The following MACF1 variants were observed in gnomAD, a reference collection of about 807,000 sequenced individuals.
MACF1 encodes the protein microtubule-actin cross-linking factor 1.
A neutral mutation model predicts 854.8 loss-of-function variants in MACF1; 193 were observed. The ratio of observed to expected loss-of-function variants is 0.23; its 90% CI spans 0.20 to 0.25. The LOEUF (loss-of-function observed/expected upper bound fraction) is 0.25, where lower values mean the gene tolerates loss of function less well. Among genes scored for constraint, MACF1 ranks in the 10% least tolerant of loss-of-function variants. The pLI is 1.00. For missense variants in MACF1, 7,722 were observed against 8,929.1 expected (o/e 0.86, Z 5.45); for synonymous variants, 3,185 against 3,226.7 (o/e 0.99, Z 0.44).
rs1643370130 is a variant in MACF1 at position 39,417,712 on chromosome 1, A to ATTTTTTTTT, written c.15817-4662_15817-4661insTTTTTTTTT. Reference sequence around the variant, plus strand: ...CAGGAATGTGCCACCACACCCAGTTAATTTTTTTTTTTTTTTTTTTTTTTT... The same window carrying ATTTTTTTTT: ...CAGGAATGTGCCACCACACCCAGTTATTTTTTTTTATTTTTTTTTTTTTTTTTTTTTTTT... On this transcript the variant is annotated intron_variant, in intron 58 of 100. Transcript: ENST00000564288. 7.3e-5 allele frequency among the ~76,000 whole-genome samples: 5 copies of ATTTTTTTTT among 68,516 alleles called. 1 individual carries two copies. The highest frequency in any genetic ancestry group is 9.0e-4 in the East Asian group (2 of 2,222). The allele number at this position is 68,516 out of a possible 152,430, so 44.9% of individuals were successfully genotyped here.
upstream of MACF1, among the ~76,000 whole-genome samples, chr1:39,200,467 G>A (rs750841444): frequency 2.0e-5 from 3 of 152,128 alleles, no homozygotes; most frequent in Non-Finnish European, 4.4e-5. Context: ...GGGAGGCCGA[G>A]GCAGGTGGAT....
chr1:39,234,736 C>T (rs1255042947), intron 2 of MACF1, among the ~76,000 whole-genome samples: 17 of 136,230 alleles, frequency 1.2e-4, no homozygotes, highest in African/African-American at 4.3e-4. Context: ...GGAGGGGCTC[C>T]TCACTTCTCA....
At chr1:39,122,030 G>A (rs1187946354) in intron 2 of MACF1, among the ~76,000 whole-genome samples, 1 of 152,122 alleles carries the variant, frequency 6.6e-6, no homozygotes, top group Non-Finnish European at 1.5e-5. Context: ...CTCAAGTAGA[G>A]TTACAAAAAT....
upstream of MACF1, among the ~76,000 whole-genome samples, chr1:39,201,317 A>G (rs112122559): frequency 1.3e-5 from 2 of 150,998 alleles, no homozygotes; most frequent in South Asian, 4.2e-4. Flanking sequence ...CCCTGTACCC[A>G]CTCTTATCTC....
intron 2 of MACF1, among the ~76,000 whole-genome samples, chr1:39,242,736 C>CAAAA (rs36020944): frequency 2.2e-5 from 3 of 135,348 alleles, no homozygotes; most frequent in East Asian, 2.1e-4. Flanking sequence ...ACCCTATCTC[C>CAAAA]AAAAAAAAAA....
intron 15 of MACF1, 101 bp from the exon 16 acceptor site, chr1:39,291,809 C>T (rs1256967970): frequency 1.1e-5 from 14 of 1,217,436 alleles, no homozygotes; most frequent in Non-Finnish European, 1.4e-5. Context: ...TCCTTTTGCT[C>T]AGTCCTCTAC....
intron 2 of MACF1, among the ~76,000 whole-genome samples, chr1:39,161,867 AAATT>A (rs1483167576): frequency 7.0e-6 from 1 of 143,094 alleles, no homozygotes; most frequent in Non-Finnish European, 1.5e-5. Flanking sequence ...ACTCTGTCTC[AAATT>A]AATTAATTAA....
rs992108155 is a variant in MACF1, at chr1:39,204,810, C to T, written c.-213C>T. ...TTTCCTGGGCTTTGTCTGAGATACA[C>T]TGTACAGTTTTAGTCCCAGTCTACT... On this transcript the variant is annotated 5_prime_UTR_variant, in exon 1 of 101. Transcript: ENST00000564288. 1 of 545,708 alleles carries T rather than the reference C, an allele frequency of 1.8e-6. No individual in the cohort carries two copies. Among genetic ancestry groups the T allele is most frequent in the African/African-American group, 1.9e-5 (1 of 52,710 alleles). The allele number at this position is 545,708 out of a possible 1,614,324, so 33.8% of individuals were successfully genotyped here.
At chr1:39,434,734 C>A in intron 69 of MACF1, 102 bp downstream of exon 69, 1 of 930,954 alleles carries the variant, frequency 1.1e-6, no homozygotes. Flanking sequence ...TTCTGTGTTA[C>A]GAAGTTAATT....
chr1:39,454,882 G>A (rs1299525945), intron 88 of MACF1, 27 bp from the exon 89 acceptor site: 11 of 1,594,546 alleles, frequency 6.9e-6, no homozygotes, highest in African/African-American at 1.3e-5. Context: ...GACTGAAAGA[G>A]GCCATGGTTT....
chr1:39,351,985 G>GCCTC (rs930804021), intron 43 of MACF1, among the ~76,000 whole-genome samples: 40 of 152,144 alleles, frequency 2.6e-4, no homozygotes. Flanking sequence ...TCCCCGAGCT[G>GCCTC]CCTCTATAGT....
At chr1:39,337,606 C>T (rs1557596461) in intron 38 of MACF1, among the ~76,000 whole-genome samples, 1 of 122,948 alleles carries the variant, frequency 8.1e-6, no homozygotes, top group Non-Finnish European at 1.6e-5. Context: ...TGCTCTGTCA[C>T]CCAGGGTGGA....
At chr1:39,186,702 G>T (rs1425559819) in intron 2 of MACF1, among the ~76,000 whole-genome samples, 1 of 151,942 alleles carries the variant, frequency 6.6e-6, no homozygotes, top group Non-Finnish European at 1.5e-5. Context: ...TGAACTCCTG[G>T]GCTCAAGGGA....
intron 15 of MACF1, among the ~76,000 whole-genome samples, chr1:39,288,775 G>C (rs1228600852): frequency 1.3e-5 from 2 of 152,180 alleles, no homozygotes. Flanking sequence ...CTGGGCAACA[G>C]AGCAATACCC....
Position 39,335,814 on chromosome 1 carries a change from A to G in MACF1, c.9226A>G (p.Asn3076Asp), listed in dbSNP as rs1227234626. Reference protein sequence around the residue: ...SKQANEGKVNNLSLCLTLKPE... With the variant: ...SKQANEGKVNDLSLCLTLKPE... ...ACAGGCCAATGAAGGAAAAGTAAAC[A>G]ATTTAAGTCTCTGCTTGACTTTAAA... The change falls in exon 37 of 101, where the codon AAT becomes GAT. Residue 3076 changes from asparagine to aspartate, a missense_variant. Around this residue, in one of 15 missense-constraint regions of MACF1, gnomAD observed 854 missense variants for 852.6 expected, o/e 1.00. Coordinates refer to ENST00000564288, the MANE Select transcript of MACF1 (RefSeq NM_001394062.1). 6.2e-7 allele frequency: 1 copy of G among 1,614,220 alleles called. No individual in the cohort carries two copies. Among genetic ancestry groups the G allele is most frequent in the Admixed American group, 1.7e-5 (1 of 60,032 alleles).
intron 94 of MACF1, chr1:39,464,868 C>G: frequency 4.2e-6 from 2 of 474,312 alleles, no homozygotes; most frequent in Non-Finnish European, 7.6e-6. Context: ...GAGCCATGAT[C>G]GCGCCACTGC....
intron 52 of MACF1, among the ~76,000 whole-genome samples, chr1:39,373,917 C>T (rs1325766631): frequency 6.6e-6 from 1 of 150,758 alleles, no homozygotes; most frequent in Non-Finnish European, 1.5e-5. Context: ...TGTATATAAT[C>T]TTTCACTGCA....
intron 2 of MACF1, among the ~76,000 whole-genome samples, chr1:39,094,714 G>C (rs1641894563): frequency 6.6e-6 from 1 of 150,656 alleles, no homozygotes; most frequent in Non-Finnish European, 1.5e-5. Context: ...GCGAAACTCT[G>C]TCTCAAAAAA....
Position 39,385,355 on chromosome 1 carries a change from A to C in MACF1, c.13849-79A>C, listed in dbSNP as rs942774706. On this transcript the variant is annotated intron_variant, in intron 56 of 100. Coordinates refer to ENST00000564288, the MANE Select transcript of MACF1 (RefSeq NM_001394062.1). ...AGTGCTGCGATTACAGGCATGAGCC[A>C]CTGTGCCTGGCCTGACACTGCTTTT... The C allele has an allele frequency of 3.4e-6, 5 of 1,490,274 alleles. No homozygotes were observed. The East Asian group carries it at 1.2e-4, about 35-fold the overall frequency. The allele number at this position is 1,490,274 out of a possible 1,614,324, so 92.3% of individuals were successfully genotyped here. A position where few individuals can be genotyped will look rare whatever the true frequency, so the allele number is the denominator to read the frequency against.
Sources: allele counts gnomAD v4.1 joint callset (sites outside exome capture counted in the v4.1 genomes callset), GRCh38; gene constraint gnomAD v4.1.1; regional missense constraint gnomAD v4.1.1; transcripts MANE v1.5; gene names NCBI Gene and HGNC (gene_info 2026-07-23, HGNC 2026-07-21).